The following ANKFN1 variants were observed in gnomAD, a reference collection of about 807,000 sequenced individuals.
ANKFN1 encodes ankyrin repeat and fibronectin type-III domain-containing protein 1.
Under a neutral mutation model 108.7 loss-of-function variants are expected in ANKFN1, and 74 were observed. The observed-to-expected ratio is 0.68, with a 90% CI of 0.56 to 0.83. The LOEUF is 0.83. Ranked by LOEUF, ANKFN1 falls within the 40% of genes least tolerant of loss-of-function variation. The pLI is 0.00. For missense variants in ANKFN1, 1,505 were observed against 1,382.3 expected (o/e 1.09, Z -1.41); for synonymous variants, 547 against 516.2 (o/e 1.06, Z -0.81).
chr17:56,499,171 T>G (rs2051290971), intron 20 of ANKFN1, 73 bp downstream of exon 20: 1 of 1,382,514 alleles, frequency 7.2e-7, no homozygotes, highest in African/African-American at 1.4e-5. Context: ...ATGAGGACTT[T>G]TATGCTGAGG....
rs57878541 is a variant in ANKFN1, at chr17:56,159,033, C to CAAAAA, written c.-71+5521_-71+5525dup. Among the ~76,000 whole-genome samples, 67 of 70,890 alleles carry CAAAAA rather than the reference C, an allele frequency of 9.5e-4. 1 individual carries two copies. Among genetic ancestry groups the CAAAAA allele is most frequent in the Middle Eastern group, 0.012 (1 of 86 alleles). 46.5% of individuals were successfully genotyped at this position (70,890 alleles called of 152,430 possible). ...ACCACCATCTAGGAATGGTCTAGGC[C>CAAAAA]AAAAAAAAAAAAAAAAAAAAAAGCA... is the stretch of plus-strand genomic sequence containing the variant. On this transcript the variant is annotated intron_variant, in intron 1 of 20. Coordinates refer to ENST00000682825, the MANE Select transcript of ANKFN1 (RefSeq NM_001370326.1).
At chr17:56,156,682 G>A (rs1909153017) in intron 1 of ANKFN1, 1 of 152,282 alleles carries the variant, frequency 6.6e-6, no homozygotes, top group Admixed American at 6.5e-5. Flanking sequence ...AGCTGGTTAA[G>A]GTCAGGGCTG....
chr17:56,154,308 C>G (rs757706668), intron 1 of ANKFN1, among the ~76,000 whole-genome samples: 2 of 152,116 alleles, frequency 1.3e-5, no homozygotes, highest in Non-Finnish European at 2.9e-5. Context: ...ATAGGAGGAA[C>G]TTATTCAGCT....
intron 20 of ANKFN1, among the ~76,000 whole-genome samples, chr17:56,506,489 G>A (rs1036261696): frequency 6.6e-6 from 1 of 152,066 alleles, no homozygotes; most frequent in Non-Finnish European, 1.5e-5. Flanking sequence ...GAAGAGGCAA[G>A]AGAAAGTATT....
chr17:56,277,986 C>T (rs1032247406), intron 3 of ANKFN1, among the ~76,000 whole-genome samples: 44 of 152,142 alleles, frequency 2.9e-4, no homozygotes, highest in African/African-American at 3.1e-4. Flanking sequence ...TCAGAATGTC[C>T]GATAAGGGTC....
upstream of ANKFN1, among the ~76,000 whole-genome samples, chr17:56,152,260 A>ATGTGTGTGTGTGTGTG (rs747513318): frequency 8.6e-4 from 111 of 128,664 alleles, no homozygotes; most frequent in South Asian, 1.3e-3. Flanking sequence ...ATATATATAT[A>ATGTGTGTGTGTGTGTG]TATGTGTGTG....
intron 3 of ANKFN1, among the ~76,000 whole-genome samples, chr17:56,303,338 T>C (rs72833841): frequency 0.071 from 10,775 of 152,226 alleles, 438 homozygotes; most frequent in East Asian, 0.16. Context: ...GTGTGCAAAG[T>C]GCTGCACTGG....
At chr17:56,159,762 G>A (rs764985652) in intron 1 of ANKFN1, among the ~76,000 whole-genome samples, 9 of 152,260 alleles carry the variant, frequency 5.9e-5, no homozygotes, top group South Asian at 4.1e-4. Context: ...TTTGAGGTTC[G>A]GGTTGTATTT....
At chr17:56,446,222 A>G (rs1385717346) in intron 10 of ANKFN1, among the ~76,000 whole-genome samples, 1 of 152,156 alleles carries the variant, frequency 6.6e-6, no homozygotes, top group Non-Finnish European at 1.5e-5. Flanking sequence ...CTCTCCTCAC[A>G]TTGATGGCAG....
intron 4 of ANKFN1, among the ~76,000 whole-genome samples, chr17:56,059,827 T>A (rs1555589188): frequency 6.6e-6 from 1 of 152,226 alleles, no homozygotes; most frequent in Non-Finnish European, 1.5e-5. Flanking sequence ...TTTTGCTTAC[T>A]GTAGCCTTGT....
chr17:56,415,943 G>A (rs2051855695), intron 8 of ANKFN1, among the ~76,000 whole-genome samples: 1 of 152,082 alleles, frequency 6.6e-6, no homozygotes, highest in African/African-American at 2.4e-5. Flanking sequence ...CAACAAAAAA[G>A]CCAAGAACGT....
chr17:56,396,052 A>AAAC (rs2047574925), intron 8 of ANKFN1, among the ~76,000 whole-genome samples: 1 of 151,994 alleles, frequency 6.6e-6, no homozygotes, highest in Non-Finnish European at 1.5e-5. Context: ...CAAAACAAAA[A>AAAC]AAACAAAAAA....
chr17:56,341,393 G>C (rs957059240), intron 4 of ANKFN1, among the ~76,000 whole-genome samples: 1 of 152,086 alleles, frequency 6.6e-6, no homozygotes, highest in African/African-American at 2.4e-5. Context: ...GGTTTTCAAG[G>C]GGAATGCTTC....
At chr17:56,086,277 T>C (rs1258845639) in intron 4 of ANKFN1, among the ~76,000 whole-genome samples, 1 of 150,740 alleles carries the variant, frequency 6.6e-6, no homozygotes, top group African/African-American at 2.4e-5. Flanking sequence ...TAGCAGCAAG[T>C]GCTTGTAATT....
At chr17:56,465,293 T>A (rs1221019208) in intron 14 of ANKFN1, among the ~76,000 whole-genome samples, 1 of 152,196 alleles carries the variant, frequency 6.6e-6, no homozygotes, top group African/African-American at 2.4e-5. Flanking sequence ...TGTCAAAAAT[T>A]ATTTATGAAA....
intron 3 of ANKFN1, among the ~76,000 whole-genome samples, chr17:56,306,264 A>C (rs929177723): frequency 1.1e-4 from 17 of 152,224 alleles, no homozygotes; most frequent in African/African-American, 4.1e-4. Context: ...CATCTTTACT[A>C]TGTTGAATCT....
intron 4 of ANKFN1, among the ~76,000 whole-genome samples, chr17:56,329,524 A>G (rs1198953571): frequency 6.6e-6 from 1 of 152,046 alleles, no homozygotes; most frequent in Non-Finnish European, 1.5e-5. Flanking sequence ...TGCTACTTCT[A>G]TGTTTTAGGT....
chr17:56,187,324 C>G (rs1912317090), intron 1 of ANKFN1, among the ~76,000 whole-genome samples: 1 of 152,128 alleles, frequency 6.6e-6, no homozygotes, highest in Non-Finnish European at 1.5e-5. Flanking sequence ...AGCCAACAGA[C>G]ACATGAAAAA....
intron 3 of ANKFN1, among the ~76,000 whole-genome samples, chr17:56,246,864 G>GA (rs1917993035): frequency 6.6e-6 from 1 of 152,090 alleles, no homozygotes; most frequent in Non-Finnish European, 1.5e-5. Context: ...CAGAGAAACT[G>GA]AAAAAGCATT....
Sources: gnomAD v4.1 joint callset for allele counts (sites outside exome capture counted in the v4.1 genomes callset) on GRCh38, gnomAD v4.1.1 for gene constraint, MANE v1.5 for transcripts, NCBI Gene and HGNC (gene_info 2026-07-23, HGNC 2026-07-21) for gene names.